TLL1: variants seen among roughly 807,000 people sequenced by gnomAD.
TLL1 encodes the protein tolloid like 1, also known as tolloid-like protein 1.
Under a neutral mutation model 128.2 loss-of-function variants are expected in TLL1, and 49 were observed. The ratio of observed to expected loss-of-function variants is 0.38; its 90% confidence interval spans 0.30 to 0.48. The LOEUF (loss-of-function observed/expected upper bound fraction) is 0.48, where lower values mean the gene tolerates loss of function less well. TLL1 is among the 20% of genes least tolerant of loss of function. TLL1 has a pLI of 0.96. For synonymous variants in TLL1, 454 were observed against 418.8 expected (o/e 1.08, Z -1.03); for missense variants, 1,123 against 1,242.0 (o/e 0.90, Z 1.44).
intron 1 of TLL1, among the ~76,000 whole-genome samples, chr4:165,978,656 G>C (rs560421929): frequency 4.6e-5 from 7 of 152,054 alleles, no homozygotes; most frequent in Non-Finnish European, 1.0e-4. Flanking sequence ...AAAGAACTTC[G>C]GATGGTTTCT....
chr4:165,942,936 T>G (rs892290395), intron 1 of TLL1, among the ~76,000 whole-genome samples: 4 of 152,084 alleles, frequency 2.6e-5, no homozygotes, highest in Non-Finnish European at 2.9e-5. Flanking sequence ...CCATTTATTT[T>G]CATGTCAGAT....
chr4:166,090,249 G>C (rs572125057), intron 18 of TLL1, among the ~76,000 whole-genome samples: 2 of 152,010 alleles, frequency 1.3e-5, no homozygotes, highest in South Asian at 4.1e-4. Context: ...ATGTATGATG[G>C]TTTTTCTGGG....
chr4:166,061,062 T>C (rs1740287119), intron 15 of TLL1, among the ~76,000 whole-genome samples: 1 of 152,214 alleles, frequency 6.6e-6, no homozygotes, highest in South Asian at 2.1e-4. Context: ...ATTTTGTCTT[T>C]GATGTACATC....
rs6829864 is a variant in TLL1, at chr4:165,881,775, A to G, written c.169+7702A>G. On this transcript the variant is annotated intron_variant, in intron 1 of 20. Coordinates refer to ENST00000061240, the MANE Select transcript of TLL1 (RefSeq NM_012464.5). ...AATAGTGTAGGGGAGACAATGCTGTATGTAGCCTCAAGTATATGCATTGTG... is the reference window on the plus strand; with the variant it reads ...AATAGTGTAGGGGAGACAATGCTGTGTGTAGCCTCAAGTATATGCATTGTG... Among the ~76,000 whole-genome samples, 1,044 of 152,328 alleles carry G rather than the reference A, an allele frequency of 6.9e-3. 16 individuals are homozygous for G. The East Asian group carries it at 0.078, about 11-fold the overall frequency.
chr4:166,057,230 A>G lies in TLL1; in HGVS notation c.1767A>G (p.Arg589=), dbSNP rs368635036. The part of the protein sequence containing the change: ...AKPDRGGCEQ[R]CLNTLGSYQC... ...CTGACCGTGGAGGCTGTGAGCAGCG[A>G]TGTCTGAACACTCTGGGCAGTTACC... Residue 589 remains arginine (R), a synonymous_variant, in exon 14 of 21, where the codon CGA becomes CGG. Coordinates refer to ENST00000061240, the MANE Select transcript of TLL1 (RefSeq NM_012464.5). 8.1e-6 allele frequency: 13 copies of G among 1,613,816 alleles called. No individual in the cohort carries two copies. The highest frequency in any genetic ancestry group is 1.0e-5 in the Non-Finnish European group (12 of 1,179,950).
intron 1 of TLL1, among the ~76,000 whole-genome samples, chr4:165,884,838 A>G (rs2110818350): frequency 6.6e-6 from 1 of 152,308 alleles, no homozygotes; most frequent in East Asian, 1.9e-4. Context: ...TCTGTCTCAA[A>G]TAATAATGAT....
chr4:166,090,522 G>A (rs1741716086), intron 18 of TLL1, among the ~76,000 whole-genome samples: 1 of 151,940 alleles, frequency 6.6e-6, no homozygotes, highest in East Asian at 1.9e-4. Context: ...TAAAATAAGT[G>A]TACCATCTAC....
At chr4:166,008,073 T>C in intron 7 of TLL1, 25 bp downstream of exon 7, 1 of 1,552,014 alleles carries the variant, frequency 6.4e-7, no homozygotes, top group Non-Finnish European at 8.9e-7. Flanking sequence ...TTATACCTTT[T>C]GACTTTTAAT....
At chr4:165,890,139 A>G (rs930293735) in intron 1 of TLL1, among the ~76,000 whole-genome samples, 2 of 152,170 alleles carry the variant, frequency 1.3e-5, no homozygotes, top group African/African-American at 2.4e-5. Context: ...ATGAGAACTC[A>G]CTATCATGAG....
At chr4:165,945,668 A>G (rs1296972347) in intron 1 of TLL1, among the ~76,000 whole-genome samples, 1 of 152,244 alleles carries the variant, frequency 6.6e-6, no homozygotes, top group Non-Finnish European at 1.5e-5. Context: ...GATTATAATA[A>G]AAAAGCCAAG....
intron 5 of TLL1, among the ~76,000 whole-genome samples, chr4:166,002,546 G>C (rs1384056492): frequency 1.3e-5 from 2 of 152,098 alleles, no homozygotes; most frequent in African/African-American, 4.8e-5. Context: ...CTGGGCTCAA[G>C]TCATCCCTCC....
At position 166,099,418 on chromosome 4, in the gene TLL1, T is replaced by A. The variant is rs1742180069; in HGVS notation, c.2798T>A (p.Phe933Tyr). 3.7e-6 allele frequency: 6 copies of A among 1,613,554 alleles called. No individual in the cohort carries two copies. Among genetic ancestry groups the A allele is most frequent in the Middle Eastern group, 1.7e-4 (1 of 6,056 alleles). The change falls in exon 20 of 21, where the codon TTC becomes TAC. Residue 933 changes from phenylalanine to tyrosine, a missense_variant. Phe to Tyr is a conservative substitution (Grantham distance 22). Transcript: ENST00000061240. Reference protein sequence around the residue: ...SERGSRLELSFQTFEVEEEAD... With the variant: ...SERGSRLELSYQTFEVEEEAD... ...CGGGGCTCTCGACTTGAATTATCCTTCCAGACATTTGAAGTGGAGGAAGAA... is the reference window on the plus strand; with the variant it reads ...CGGGGCTCTCGACTTGAATTATCCTACCAGACATTTGAAGTGGAGGAAGAA...
At chr4:165,913,314 T>C (rs1732625648) in intron 1 of TLL1, among the ~76,000 whole-genome samples, 1 of 152,198 alleles carries the variant, frequency 6.6e-6, no homozygotes, top group South Asian at 2.1e-4. Flanking sequence ...CTGAATGTTG[T>C]CTGATTTTAT....
At chr4:165,987,621 T>C (rs1736448097) in intron 1 of TLL1, among the ~76,000 whole-genome samples, 1 of 152,140 alleles carries the variant, frequency 6.6e-6, no homozygotes, top group African/African-American at 2.4e-5. Context: ...AATCTAATTA[T>C]AGTAAAGATT....
chr4:165,998,763 C>T (rs2111025762), intron 5 of TLL1, among the ~76,000 whole-genome samples: 1 of 151,442 alleles, frequency 6.6e-6, no homozygotes, highest in African/African-American at 2.4e-5. Flanking sequence ...CACCACTGCA[C>T]TCCAGCCTGG....
intron 19 of TLL1, among the ~76,000 whole-genome samples, chr4:166,096,008 G>A (rs1000913003): frequency 1.3e-4 from 20 of 152,116 alleles, no homozygotes; most frequent in African/African-American, 4.3e-4. Flanking sequence ...ACCATTGCTT[G>A]AGTGGCCGGG....
At chr4:165,878,806 T>C (rs1730835769) in intron 1 of TLL1, among the ~76,000 whole-genome samples, 1 of 151,974 alleles carries the variant, frequency 6.6e-6, no homozygotes, top group South Asian at 2.1e-4. Flanking sequence ...CTTGACTCAG[T>C]GTAGGCCTCC....
chr4:165,923,098 A>T (rs1733106217), intron 1 of TLL1, among the ~76,000 whole-genome samples: 1 of 152,274 alleles, frequency 6.6e-6, no homozygotes, highest in Non-Finnish European at 1.5e-5. Context: ...AATTGGGCTG[A>T]GTTTAGGCCC....
chr4:166,065,526 G>C (rs1740528706), intron 15 of TLL1, among the ~76,000 whole-genome samples, 157 bp from the exon 16 acceptor site: 1 of 152,012 alleles, frequency 6.6e-6, no homozygotes, highest in Admixed American at 6.6e-5. Context: ...TTACAGGCAT[G>C]AGTCACTGTG....
Sources: allele counts gnomAD v4.1 joint callset (sites outside exome capture counted in the v4.1 genomes callset), GRCh38; gene constraint gnomAD v4.1.1; transcripts MANE v1.5; gene names NCBI Gene and HGNC (gene_info 2026-07-23, HGNC 2026-07-21).